Variants in PIK3C2G observed in about 807,000 individuals in gnomAD.
The protein encoded by PIK3C2G is phosphatidylinositol 3-kinase C2 domain-containing subunit gamma.
Under a neutral mutation model 181.1 loss-of-function variants are expected in PIK3C2G, and 168 were observed. That is an observed-to-expected ratio of 0.93 (90% CI 0.82 to 1.05). PIK3C2G has a LOEUF of 1.05. Ranked by LOEUF, PIK3C2G falls within the 50% of genes least tolerant of loss-of-function variation. PIK3C2G has a pLI of 0.00. For missense variants in PIK3C2G, 1,869 were observed against 1,732.8 expected, an observed-to-expected ratio of 1.08 and a Z score of -1.40; for synonymous variants, 573 against 592.2, an observed-to-expected ratio of 0.97 and a Z score of 0.47.
upstream of PIK3C2G, among the ~76,000 whole-genome samples, chr12:18,244,404 T>C (rs1297101635): frequency 6.6e-6 from 1 of 151,882 alleles, no homozygotes; most frequent in Non-Finnish European, 1.5e-5. Context: ...ATACTGGGGG[T>C]TCTTGATAAA....
intron 18 of PIK3C2G, among the ~76,000 whole-genome samples, chr12:18,459,075 A>G (rs139651121): frequency 1.0e-3 from 152 of 152,286 alleles, no homozygotes; most frequent in African/African-American, 3.6e-3. Flanking sequence ...CTGTGAGCCA[A>G]TAAGTAGCCA....
At chr12:18,679,259 T>C in the PIK3C2G span, among the ~76,000 whole-genome samples, 1 of 152,030 alleles carries the variant, frequency 6.6e-6, no homozygotes, top group African/African-American at 2.4e-5. Flanking sequence ...TCATTTTCAT[T>C]ATGATGTATT....
At chr12:18,376,007 G>T (rs1942412809) in intron 13 of PIK3C2G, among the ~76,000 whole-genome samples, 1 of 152,218 alleles carries the variant, frequency 6.6e-6, no homozygotes, top group South Asian at 2.1e-4. Context: ...GGAAAGCCCG[G>T]GTGCCCAGCC....
chr12:18,481,455 G>A (rs180794700), intron 18 of PIK3C2G, among the ~76,000 whole-genome samples: 210 of 152,228 alleles, frequency 1.4e-3, no homozygotes, highest in Non-Finnish European at 2.3e-3. Context: ...ACACTGTTGT[G>A]TAATAGAACT....
intron 31 of PIK3C2G, among the ~76,000 whole-genome samples, chr12:18,625,094 T>A (rs1949034111): frequency 6.6e-6 from 1 of 151,730 alleles, no homozygotes; most frequent in Admixed American, 6.6e-5. Flanking sequence ...TTTTTCTATT[T>A]CCTTGAAGCA....
chr12:18,619,886 G>T (rs544812030), intron 31 of PIK3C2G, among the ~76,000 whole-genome samples: 3 of 151,556 alleles, frequency 2.0e-5, no homozygotes, highest in Admixed American at 2.0e-4. Context: ...CACCACTCCC[G>T]GTTAATTTAT....
At chr12:18,253,367 T>C (rs1474978119) in intron 1 of PIK3C2G, among the ~76,000 whole-genome samples, 3 of 152,116 alleles carry the variant, frequency 2.0e-5, no homozygotes, top group East Asian at 1.9e-4. Context: ...TCAAGACCTA[T>C]AGACAGTTGT....
intron 16 of PIK3C2G, among the ~76,000 whole-genome samples, chr12:18,405,621 C>G (rs1205160187): frequency 6.6e-6 from 1 of 151,844 alleles, no homozygotes; most frequent in Admixed American, 6.6e-5. Context: ...AGGGTGGTAT[C>G]TTAGAACTCT....
intron 32 of PIK3C2G, among the ~76,000 whole-genome samples, chr12:18,641,882 T>C (rs997536406): frequency 6.6e-5 from 10 of 151,566 alleles, no homozygotes; most frequent in African/African-American, 2.4e-4. Context: ...CCCGAGTAAC[T>C]GAGATTACAA....
the PIK3C2G span, chr12:18,684,023 T>A: frequency 2.3e-6 from 3 of 1,318,148 alleles, no homozygotes; most frequent in South Asian, 2.5e-5. Context: ...AAATTTCCTT[T>A]ACATCCTACT....
At chr12:18,530,505 T>C (rs1943491046) in intron 24 of PIK3C2G, among the ~76,000 whole-genome samples, 1 of 152,184 alleles carries the variant, frequency 6.6e-6, no homozygotes, top group African/African-American at 2.4e-5. Flanking sequence ...CTATAAACTC[T>C]TGATCTCCAT....
intron 24 of PIK3C2G, among the ~76,000 whole-genome samples, chr12:18,530,934 T>C (rs1379248152): frequency 6.6e-6 from 1 of 152,156 alleles, no homozygotes; most frequent in Admixed American, 6.6e-5. Context: ...GGGTATTTCT[T>C]TATAGCAGTG....
chr12:18,381,614 C>A (rs535222371), intron 13 of PIK3C2G, among the ~76,000 whole-genome samples, 152 bp from the exon 14 acceptor site: 1 of 152,280 alleles, frequency 6.6e-6, no homozygotes, highest in East Asian at 1.9e-4. Context: ...AGTGTCTAGG[C>A]TGGTGGACTA....
At chr12:18,619,129 G>A (rs1189820075) in intron 31 of PIK3C2G, among the ~76,000 whole-genome samples, 1 of 151,218 alleles carries the variant, frequency 6.6e-6, no homozygotes, top group Non-Finnish European at 1.5e-5. Context: ...TAAAACTGCT[G>A]AAAACTAAAA....
chr12:18,482,444 C>T (rs12368521), intron 18 of PIK3C2G, among the ~76,000 whole-genome samples: 25,424 of 151,916 alleles, frequency 0.17, 2,523 homozygotes, highest in South Asian at 0.39. Context: ...CTTTGGGAAG[C>T]CTTGGAGAAC....
At chr12:18,510,482 CATTT>C (rs1309249656) in intron 24 of PIK3C2G, among the ~76,000 whole-genome samples, 1 of 152,070 alleles carries the variant, frequency 6.6e-6, no homozygotes, top group Non-Finnish European at 1.5e-5. Flanking sequence ...TTGAGAAAAA[CATTT>C]ATTACTGATG....
chr12:18,330,623 A>G (rs1195453633), intron 8 of PIK3C2G, among the ~76,000 whole-genome samples: 1 of 152,074 alleles, frequency 6.6e-6, no homozygotes, highest in African/African-American at 2.4e-5. Flanking sequence ...TCTTTTGCCT[A>G]TTTTTAAAGT....
At chr12:18,306,119 A>T (rs1950410642) in intron 5 of PIK3C2G, among the ~76,000 whole-genome samples, 1 of 152,038 alleles carries the variant, frequency 6.6e-6, no homozygotes, top group South Asian at 2.1e-4. Context: ...AGAAATGCAT[A>T]TGTACTATAT....
intron 8 of PIK3C2G, among the ~76,000 whole-genome samples, chr12:18,326,412 A>G (rs1297089028): frequency 1.3e-5 from 2 of 152,240 alleles, no homozygotes; most frequent in Admixed American, 1.3e-4. Context: ...TGATATAAAT[A>G]AAAGGGTACA....
Sources: allele counts gnomAD v4.1 joint callset (sites outside exome capture counted in the v4.1 genomes callset), GRCh38; gene constraint gnomAD v4.1.1; transcripts MANE v1.5; gene names NCBI Gene and HGNC (gene_info 2026-07-23, HGNC 2026-07-21).